GNG4: variants seen among roughly 807,000 people sequenced by gnomAD.
GNG4 encodes the protein guanine nucleotide-binding protein G(I)/G(S)/G(O) subunit gamma-4.
Under a neutral mutation model 5.8 loss-of-function variants are expected in GNG4, and 4 were observed. The observed-to-expected ratio is 0.69, with a 90% CI of 0.34 to 1.57. The LOEUF (loss-of-function observed/expected upper bound fraction) is 1.57. GNG4 is among the 40% of genes most tolerant of loss of function. The pLI is 0.06. For synonymous variants in GNG4, 29 were observed against 32.9 expected (o/e 0.88, Z 0.41); for missense variants, 96 against 95.1 (o/e 1.01, Z -0.04).
chr1:235,643,351 A>G (rs1481192406), intron 1 of GNG4, among the ~76,000 whole-genome samples: 4 of 152,182 alleles, frequency 2.6e-5, no homozygotes, highest in Non-Finnish European at 2.9e-5. Context: ...GGCCAGCTCA[A>G]GACTCCCTCT....
At chr1:235,597,065 C>G (rs1447015235) in intron 1 of GNG4, among the ~76,000 whole-genome samples, 1 of 152,108 alleles carries the variant, frequency 6.6e-6, no homozygotes, top group African/African-American at 2.4e-5. Flanking sequence ...CCATTCAAGA[C>G]TCATAGCCCT....
At chr1:235,587,576 GGTGGC>G (rs1305644666) in intron 2 of GNG4, among the ~76,000 whole-genome samples, 1 of 81,794 alleles carries the variant, frequency 1.2e-5, no homozygotes. Context: ...GAGGGTGTGG[GGTGGC>G]GGTGAGTGTG....
chr1:235,563,646 T>C (rs1400639775), intron 3 of GNG4, among the ~76,000 whole-genome samples: 1 of 152,104 alleles, frequency 6.6e-6, no homozygotes, highest in African/African-American at 2.4e-5. Context: ...TTTCTCTTAA[T>C]AGATCTGAAA....
intron 1 of GNG4, among the ~76,000 whole-genome samples, chr1:235,647,795 C>T (rs574473286): frequency 1.5e-4 from 23 of 152,274 alleles, no homozygotes; most frequent in South Asian, 1.5e-3. Flanking sequence ...CCACCACGCC[C>T]GCCTAATTTT....
chr1:235,552,449 C>T (rs539140092), intron 3 of GNG4, among the ~76,000 whole-genome samples: 2 of 152,274 alleles, frequency 1.3e-5, no homozygotes, highest in Admixed American at 1.3e-4. Context: ...AGGCTGCCCT[C>T]GCATGGCAGG....
intron 2 of GNG4, among the ~76,000 whole-genome samples, chr1:235,591,587 G>C (rs1687965521): frequency 6.6e-6 from 1 of 152,192 alleles, no homozygotes; most frequent in Non-Finnish European, 1.5e-5. Flanking sequence ...TGGGGACTCA[G>C]GTATGCCTCC....
intron 3 of GNG4, among the ~76,000 whole-genome samples, chr1:235,578,194 T>TC (rs1229795801): frequency 6.6e-6 from 1 of 151,952 alleles, no homozygotes; most frequent in East Asian, 1.9e-4. Flanking sequence ...CATCACTAGA[T>TC]CATCAGGGAA....
chr1:235,558,951 C>T (rs58308716), intron 3 of GNG4, among the ~76,000 whole-genome samples: 31,809 of 152,140 alleles, frequency 0.21, 4,068 homozygotes, highest in African/African-American at 0.34. Flanking sequence ...CAAGTTAGCA[C>T]GTAATCCTGT....
chr1:235,642,814 C>T lies in GNG4; in HGVS notation c.-123+6848G>A, dbSNP rs1657372205. On this transcript the variant is annotated intron_variant, in intron 1 of 3. Coordinates refer to ENST00000391854, the MANE Select transcript of GNG4 (RefSeq NM_001098722.2). This position sits in a 1 kb window ranked among gnomAD's most constrained non-coding sequence, Gnocchi z 4.3. ...TCGCCCCTGTGGCTTCACCTGGGTC[C>T]AGCCAGACCTCTGCTCAGCTCTGCA... Among the ~76,000 whole-genome samples the T allele has an allele frequency of 6.6e-6, 1 of 152,146 alleles. No homozygotes were observed. The highest frequency in any genetic ancestry group is 2.4e-5 in the African/African-American group (1 of 41,428).
Position 235,619,178 on chromosome 1 carries a change from CACACACATATATAT to C in GNG4, c.-122-23681_-122-23668del, listed in dbSNP as rs1383667595. On this transcript the variant is annotated intron_variant, in intron 1 of 3. Coordinates refer to ENST00000391854, the MANE Select transcript of GNG4 (RefSeq NM_001098722.2). ...AAAAATTTATATATATATATATATA[CACACACATATATAT>C]ACACACACACATATATATATATACA... is the stretch of plus-strand genomic sequence containing the variant. Among the ~76,000 whole-genome samples the C allele has an allele frequency of 6.7e-5, 5 of 74,996 alleles. No individual in the cohort carries two copies. The East Asian group carries it at 2.4e-3, about 36-fold the overall frequency. 49.2% of individuals were successfully genotyped at this position (74,996 alleles called of 152,430 possible).
In GNG4 at chr1:235,644,491, G is replaced by A. The variant is rs141186550; in HGVS notation, c.-123+5171C>T. 1.6e-4 allele frequency among the ~76,000 whole-genome samples: 24 copies of A among 152,276 alleles called. No individual in the cohort carries two copies. Among genetic ancestry groups the A allele is most frequent in the African/African-American group, 5.3e-4 (22 of 41,550 alleles). ...TAACACCTTCTTCCCCGCACACACC[G>A]TCAAACACATGCACGGTGTAGACTG... On this transcript the variant is annotated intron_variant, in intron 1 of 3. Coordinates refer to ENST00000391854, the MANE Select transcript of GNG4 (RefSeq NM_001098722.2). The surrounding 1 kb of genome is among the most constrained non-coding windows in gnomAD (Gnocchi z 5.9).
intron 1 of GNG4, among the ~76,000 whole-genome samples, chr1:235,610,521 AG>A (rs1358210019): frequency 3.9e-5 from 6 of 152,202 alleles, no homozygotes; most frequent in East Asian, 1.9e-4. Flanking sequence ...GGAGGCACTC[AG>A]GGTTTTCTGT....
intron 1 of GNG4, among the ~76,000 whole-genome samples, chr1:235,604,206 C>A (rs1422914579): frequency 6.6e-6 from 1 of 152,202 alleles, no homozygotes; most frequent in Admixed American, 6.5e-5. Context: ...GGAACACAAA[C>A]CTGTGTCTGG....
intron 1 of GNG4, among the ~76,000 whole-genome samples, chr1:235,647,863 T>C (rs1457893137): frequency 6.6e-6 from 1 of 152,198 alleles, no homozygotes; most frequent in Non-Finnish European, 1.5e-5. Flanking sequence ...ATCGGACTCC[T>C]GACCTCAAGT....
chr1:235,627,492 A>G (rs1688840755), intron 1 of GNG4, among the ~76,000 whole-genome samples: 1 of 152,270 alleles, frequency 6.6e-6, no homozygotes, highest in East Asian at 1.9e-4. Flanking sequence ...AAGTGCTGGG[A>G]TTACAGGCAT....
At chr1:235,623,887 T>C (rs1688757810) in intron 1 of GNG4, among the ~76,000 whole-genome samples, 1 of 152,220 alleles carries the variant, frequency 6.6e-6, no homozygotes. Context: ...TGATTATTTC[T>C]ATTATCTATC....
Position 235,552,232 on chromosome 1 carries a change from G to A in GNG4, c.105C>T (p.Ser35=), listed in dbSNP as rs35346732. ...AGGCCAGGAGGTCCGCAGCTGCCTG[G>A]GAGACCTGTGAGGGCACAGAGCACA... ...MEACMDRVKV[S]QAAADLLAYC... The change falls in exon 4 of 4, where the codon TCC becomes TCT. Residue 35 remains serine (S), a synonymous_variant. Coordinates refer to ENST00000391854, the MANE Select transcript of GNG4 (RefSeq NM_001098722.2). 22,904 of 1,613,862 alleles carry A rather than the reference G, an allele frequency of 0.014. 207 individuals are homozygous for A. The highest frequency in any genetic ancestry group is 0.025 in the Middle Eastern group (151 of 6,062).
intron 3 of GNG4, among the ~76,000 whole-genome samples, chr1:235,568,989 GC>G (rs992502994): frequency 1.9e-4 from 29 of 151,834 alleles, no homozygotes; most frequent in African/African-American, 7.0e-4. Flanking sequence ...ACCAAGCCCG[GC>G]TAATTTTTGT....
chr1:235,581,000 C>T (rs1687620238), intron 3 of GNG4, among the ~76,000 whole-genome samples: 2 of 152,094 alleles, frequency 1.3e-5, no homozygotes, highest in African/African-American at 4.8e-5. Flanking sequence ...GATTCACCTG[C>T]CTCGGCCTTC....
Sources: allele counts gnomAD v4.1 joint callset (sites outside exome capture counted in the v4.1 genomes callset), GRCh38; gene constraint gnomAD v4.1.1; non-coding constraint Gnocchi (gnomAD v3.1); transcripts MANE v1.5; gene names NCBI Gene and HGNC (gene_info 2026-07-23, HGNC 2026-07-21).